Variants in STAG3 observed in about 807,000 individuals in gnomAD.
STAG3 encodes cohesin subunit SA-3.
A neutral mutation model predicts 160.7 loss-of-function variants in STAG3; 101 were observed. The observed-to-expected ratio is 0.63, with a 90% CI of 0.54 to 0.74. The LOEUF is 0.74. STAG3 is among the 30% of genes least tolerant of loss of function. STAG3 has a pLI of 0.00. For synonymous variants in STAG3, 519 were observed against 585.0 expected (o/e 0.89, Z 1.63); for missense variants, 1,188 against 1,517.4 (o/e 0.78, Z 3.61).
chr7:100,196,373 C>T (rs972264672), intron 9 of STAG3, among the ~76,000 whole-genome samples: 1 of 151,702 alleles, frequency 6.6e-6, no homozygotes, highest in South Asian at 2.1e-4. Flanking sequence ...CCCCACCCCC[C>T]GGGTTTAGGC....
At chr7:100,210,230 C>T (rs1802056471) in intron 29 of STAG3, among the ~76,000 whole-genome samples, 1 of 152,158 alleles carries the variant, frequency 6.6e-6, no homozygotes, top group Non-Finnish European at 1.5e-5. Context: ...TTCTGTAGCC[C>T]TCTGCTTAAA....
intron 8 of STAG3, among the ~76,000 whole-genome samples, chr7:100,191,563 G>A (rs1386292229): frequency 6.6e-6 from 1 of 152,180 alleles, no homozygotes; most frequent in Non-Finnish European, 1.5e-5. Flanking sequence ...AAAAAGCAGT[G>A]TATGTACCTT....
intron 4 of STAG3, among the ~76,000 whole-genome samples, chr7:100,185,064 C>T (rs1178382238): frequency 2.0e-5 from 3 of 150,988 alleles, no homozygotes; most frequent in African/African-American, 7.3e-5. Context: ...TTTTTTAAGA[C>T]AGGGTCTCAT....
rs1021604203 is a variant in STAG3, at chr7:100,209,700, G to A, written c.3239-1311G>A. ...GCAAGATAAGAGAGCTTCTTAGGCC[G>A]GGGGCAATGGTGGAGGTGCCGAGAA... On this transcript the variant is annotated intron_variant, in intron 29 of 33. Transcript: ENST00000615138. Among the ~76,000 whole-genome samples the A allele has an allele frequency of 2.0e-5, 3 of 152,284 alleles. No homozygotes were observed. The East Asian group carries it at 5.8e-4, about 29-fold the overall frequency.
chr7:100,201,005 CAA>C, intron 19 of STAG3, 36 bp downstream of exon 19: 2 of 1,613,992 alleles, frequency 1.2e-6, no homozygotes, highest in Non-Finnish European at 1.7e-6. Flanking sequence ...ACACCCCAAA[CAA>C]GGGTGGGAGG....
rs997391749 is a variant in STAG3 at position 100,213,558 on chromosome 7, G to A, written c.3601-177G>A. On this transcript the variant is annotated intron_variant, in intron 32 of 33. Transcript: ENST00000615138. Reference sequence around the variant, plus strand: ...GGGCTCAGTCAGCAGGCCAAGAAGCGCTCTGCAGTCAGGCCTGATCCTGGT... The same window carrying A: ...GGGCTCAGTCAGCAGGCCAAGAAGCACTCTGCAGTCAGGCCTGATCCTGGT... The A allele has an allele frequency of 7.1e-6, 7 of 985,126 alleles. No homozygotes were observed. The South Asian group carries it at 1.9e-4, about 26-fold the overall frequency. The allele number at this position is 985,126 out of a possible 1,614,324, so 61.0% of individuals were successfully genotyped here.
chr7:100,186,439 C>G, intron 5 of STAG3, 143 bp downstream of exon 5: 1 of 760,088 alleles, frequency 1.3e-6, no homozygotes, highest in South Asian at 1.8e-5. Context: ...CTTATTTAGG[C>G]CGGGCACTGT....
In STAG3 at chr7:100,200,978, TG is replaced by T. The variant is rs1318299183; in HGVS notation, c.2061+13del. 6.2e-7 allele frequency: 1 copy of T among 1,614,128 alleles called. No homozygotes were observed. The highest frequency in any genetic ancestry group is 1.1e-5 in the South Asian group (1 of 91,082). On this transcript the variant is annotated intron_variant, in intron 19 of 33. Coordinates refer to ENST00000615138, the MANE Select transcript of STAG3 (RefSeq NM_001282717.2). Reference sequence around the variant, plus strand: ...TTGAAGAGCTGTTACAGGTAGGAGCTGGGGCTGGACAATGGGACACCCCAAA... The same window carrying T: ...TTGAAGAGCTGTTACAGGTAGGAGCTGGGCTGGACAATGGGACACCCCAAA...
At chr7:100,217,233 C>T (rs548549821), downstream of STAG3, among the ~76,000 whole-genome samples, 2 of 152,282 alleles carry the variant, frequency 1.3e-5, no homozygotes, top group East Asian at 3.9e-4. Context: ...TTTGTGCACG[C>T]CCTCACCCTG....
chr7:100,213,590 ACT>A (rs2117588567), intron 32 of STAG3, 143 bp from the exon 33 acceptor site: 2 of 1,488,892 alleles, frequency 1.3e-6, no homozygotes, highest in East Asian at 2.4e-5. Flanking sequence ...TGGTGCCCAC[ACT>A]GACTTCCCTC....
chr7:100,184,478 T>TTTC (rs1799861164), intron 4 of STAG3, among the ~76,000 whole-genome samples: 1 of 141,570 alleles, frequency 7.1e-6, no homozygotes, highest in African/African-American at 2.6e-5. Context: ...TTTTTTTTTT[T>TTTC]TTTTTTTTGA....
At chr7:100,212,001 T>TA (rs1243331750) in intron 32 of STAG3, 125 bp downstream of exon 32, 1 of 808,536 alleles carries the variant, frequency 1.2e-6, no homozygotes, top group Non-Finnish European at 1.9e-6. Context: ...GAATCTAGAG[T>TA]AAAGGAGGAC....
At chr7:100,215,387 G>A (rs1215103005), downstream of STAG3, among the ~76,000 whole-genome samples, 2 of 152,128 alleles carry the variant, frequency 1.3e-5, no homozygotes, top group East Asian at 1.9e-4. Flanking sequence ...TAAGAAATTG[G>A]GTTGAGTCTC....
chr7:100,211,516 T>C lies in STAG3; in HGVS notation c.3495T>C (p.Pro1165=), dbSNP rs1415705899. The change falls in exon 31 of 34, where the codon CCT becomes CCC. Residue 1165 remains proline (P), a synonymous_variant. Coordinates refer to ENST00000615138, the MANE Select transcript of STAG3 (RefSeq NM_001282717.2). ...YFQTPHNPSG[P]GLGNQLMRLS... ...AGACTCCACACAACCCTTCAGGTCC[T>C]GGCCTGGGCAACCAGCTGATGCGGT... is the stretch of plus-strand genomic sequence containing the variant. 1 of 1,613,834 alleles carries C rather than the reference T, an allele frequency of 6.2e-7. No homozygotes were observed. Among genetic ancestry groups the C allele is most frequent in the Non-Finnish European group, 8.5e-7 (1 of 1,180,006 alleles).
intron 26 of STAG3, among the ~76,000 whole-genome samples, chr7:100,204,331 C>T (rs1265854555): frequency 2.0e-5 from 3 of 152,110 alleles, no homozygotes; most frequent in African/African-American, 7.2e-5. Flanking sequence ...AGTAACTTAT[C>T]AGGACATTGG....
intron 25 of STAG3, 116 bp downstream of exon 25, chr7:100,202,706 G>T: frequency 2.2e-6 from 3 of 1,360,812 alleles, no homozygotes; most frequent in Non-Finnish European, 2.0e-6. Flanking sequence ...GCTTAAAGGA[G>T]AAGTAGGAGG....
chr7:100,200,119 G>A (rs1034889114), intron 16 of STAG3, 117 bp from the exon 17 acceptor site: 4 of 640,552 alleles, frequency 6.2e-6, no homozygotes, highest in Non-Finnish European at 1.1e-5. Flanking sequence ...TCTCGTGGGA[G>A]CTACTGAGTT....
At chr7:100,187,367 T>TGGCAG (rs1800082363) in intron 5 of STAG3, among the ~76,000 whole-genome samples, 1 of 150,960 alleles carries the variant, frequency 6.6e-6, no homozygotes, top group African/African-American at 2.4e-5. Flanking sequence ...TTGTTGTTTT[T>TGGCAG]TGGCAGTTTT....
intron 9 of STAG3, 65 bp from the exon 10 acceptor site, chr7:100,197,091 G>C: frequency 6.3e-7 from 1 of 1,585,148 alleles, no homozygotes; most frequent in Non-Finnish European, 8.6e-7. Flanking sequence ...GAGTTATCTG[G>C]TAGGATGGAA....
Sources: gnomAD v4.1 joint callset for allele counts (sites outside exome capture counted in the v4.1 genomes callset) on GRCh38, gnomAD v4.1.1 for gene constraint, MANE v1.5 for transcripts, NCBI Gene and HGNC (gene_info 2026-07-23, HGNC 2026-07-21) for gene names.